The following UNC5D variants were observed in gnomAD, a reference collection of about 807,000 sequenced individuals.
UNC5D encodes the protein netrin receptor UNC5D.
UNC5D carries 39 observed loss-of-function variants against 105.4 expected under a neutral mutation model. The observed-to-expected ratio is 0.37, with a 90% confidence interval of 0.29 to 0.48. The LOEUF (loss-of-function observed/expected upper bound fraction) is 0.48, where lower values mean the gene tolerates loss of function less well. UNC5D is among the 20% of genes least tolerant of loss of function. The pLI is 0.98. For missense variants in UNC5D, 991 were observed against 1,202.4 expected, an observed-to-expected ratio of 0.82 and a Z score of 2.60; for synonymous variants, 452 against 450.4, an observed-to-expected ratio of 1.00 and a Z score of -0.04.
rs34886215 is a variant in UNC5D, at chr8:35,393,125, C to CTTT, written c.104-156142_104-156140dup. On this transcript the variant is annotated intron_variant, in intron 1 of 16. Transcript: ENST00000404895. The stretch of plus-strand genomic sequence containing the variant: ...CTAAATATCTAAATACCTATTCCTA[C>CTTT]TTTTTTTTTTTTTTTTTTTTTTTTT... Among the ~76,000 whole-genome samples the CTTT allele has an allele frequency of 4.4e-3, 331 of 75,098 alleles. 48 individuals carry two copies. Among genetic ancestry groups the CTTT allele is most frequent in the Non-Finnish European group, 5.8e-3 (227 of 38,966 alleles). 49.3% of individuals were successfully genotyped at this position (75,098 alleles called of 152,430 possible). A position where few individuals can be genotyped will look rare whatever the true frequency, so the allele number is the denominator to read the frequency against.
intron 7 of UNC5D, among the ~76,000 whole-genome samples, chr8:35,693,240 G>C (rs767292841): frequency 6.6e-6 from 1 of 152,026 alleles, no homozygotes; most frequent in Non-Finnish European, 1.5e-5. Flanking sequence ...TGTGCCTCTC[G>C]ATGGGCACTT....
chr8:35,578,102 G>C (rs977445223), intron 3 of UNC5D, among the ~76,000 whole-genome samples: 7 of 151,606 alleles, frequency 4.6e-5, no homozygotes, highest in African/African-American at 1.7e-4. Context: ...GTGCCTGCCT[G>C]TAATCCCAGC....
At chr8:35,463,283 G>C (rs545273046) in intron 1 of UNC5D, among the ~76,000 whole-genome samples, 1 of 152,252 alleles carries the variant, frequency 6.6e-6, no homozygotes, top group South Asian at 2.1e-4. Flanking sequence ...TTACGAGAGA[G>C]ATAAGACAAA....
intron 16 of UNC5D, among the ~76,000 whole-genome samples, chr8:35,775,375 G>T (rs746782176): frequency 6.6e-6 from 1 of 152,176 alleles, no homozygotes; most frequent in African/African-American, 2.4e-5. Flanking sequence ...GAGTAGAATA[G>T]AGAGATCCAT....
intron 1 of UNC5D, among the ~76,000 whole-genome samples, chr8:35,541,275 T>C (rs1406594093): frequency 6.6e-6 from 1 of 152,186 alleles, no homozygotes; most frequent in Non-Finnish European, 1.5e-5. Flanking sequence ...GTTTATCTTA[T>C]TGAACACGAT....
intron 6 of UNC5D, among the ~76,000 whole-genome samples, chr8:35,686,020 C>A (rs1825981910): frequency 6.6e-6 from 1 of 152,122 alleles, no homozygotes. Flanking sequence ...CCAAGAAATT[C>A]TATTTATATA....
chr8:35,317,080 T>C (rs1299908463), intron 1 of UNC5D, among the ~76,000 whole-genome samples: 1 of 152,162 alleles, frequency 6.6e-6, no homozygotes, highest in African/African-American at 2.4e-5. Context: ...TAGATAAAGA[T>C]ATTGAGGATC....
intron 1 of UNC5D, among the ~76,000 whole-genome samples, chr8:35,277,497 C>T (rs1468661488): frequency 3.3e-5 from 5 of 152,124 alleles, no homozygotes; most frequent in African/African-American, 1.2e-4. Context: ...CCTTCATTGT[C>T]ATTTAGCTTT....
At chr8:35,633,134 G>A (rs956358688) in intron 4 of UNC5D, among the ~76,000 whole-genome samples, 2 of 152,178 alleles carry the variant, frequency 1.3e-5, no homozygotes, top group African/African-American at 4.8e-5. Context: ...ATAGCCTGCA[G>A]CCTTGCCACC....
intron 2 of UNC5D, among the ~76,000 whole-genome samples, chr8:35,559,674 G>T (rs529652599): frequency 6.6e-6 from 1 of 152,172 alleles, no homozygotes; most frequent in South Asian, 2.1e-4. Flanking sequence ...CCTAGACTAT[G>T]ACCATCACCC....
intron 1 of UNC5D, among the ~76,000 whole-genome samples, chr8:35,240,167 C>T (rs1802717367): frequency 6.6e-6 from 1 of 152,092 alleles, no homozygotes; most frequent in Admixed American, 6.6e-5. Context: ...CCAGGTTGGT[C>T]TTGAACTCCT....
intron 4 of UNC5D, among the ~76,000 whole-genome samples, chr8:35,667,373 A>G (rs548827380): frequency 6.6e-6 from 1 of 152,274 alleles, no homozygotes; most frequent in Non-Finnish European, 1.5e-5. Flanking sequence ...TTTCCAAAAC[A>G]CTGTTAGCTA....
intron 4 of UNC5D, 60 bp downstream of exon 4, chr8:35,595,717 G>A (rs1317048955): frequency 1.1e-5 from 17 of 1,494,528 alleles, no homozygotes; most frequent in Non-Finnish European, 1.9e-6. Context: ...CAAGAGGGAG[G>A]GCGGAGTCCT....
intron 1 of UNC5D, among the ~76,000 whole-genome samples, chr8:35,502,583 G>A (rs1812039579): frequency 6.6e-6 from 1 of 152,204 alleles, no homozygotes; most frequent in East Asian, 1.9e-4. Flanking sequence ...TTTTGAGATG[G>A]AATCTTGCTC....
intron 11 of UNC5D, among the ~76,000 whole-genome samples, chr8:35,745,151 G>T (rs767933355): frequency 6.6e-6 from 1 of 152,148 alleles, no homozygotes; most frequent in Non-Finnish European, 1.5e-5. Context: ...GTACACTAGA[G>T]GGCATTAAGT....
At chr8:35,733,475 T>C (rs1455790285) in intron 11 of UNC5D, among the ~76,000 whole-genome samples, 1 of 152,176 alleles carries the variant, frequency 6.6e-6, no homozygotes, top group Non-Finnish European at 1.5e-5. Flanking sequence ...CCCGTTTTCC[T>C]CGAAGTTCAT....
intron 1 of UNC5D, among the ~76,000 whole-genome samples, chr8:35,325,108 C>T (rs1266960024): frequency 6.6e-6 from 1 of 151,942 alleles, no homozygotes; most frequent in African/African-American, 2.4e-5. Context: ...AATGGGAGAC[C>T]CTTGGAATCA....
intron 1 of UNC5D, among the ~76,000 whole-genome samples, chr8:35,305,032 T>C (rs1368254874): frequency 1.3e-5 from 2 of 152,096 alleles, no homozygotes; most frequent in African/African-American, 4.8e-5. Flanking sequence ...ATTGATGATT[T>C]TTTTCCATGA....
At chr8:35,322,457 G>A (rs1044351746) in intron 1 of UNC5D, among the ~76,000 whole-genome samples, 1 of 151,760 alleles carries the variant, frequency 6.6e-6, no homozygotes, top group Admixed American at 6.6e-5. Context: ...AGCTTCATTG[G>A]GATTAGCATG....
Sources: allele counts gnomAD v4.1 joint callset (sites outside exome capture counted in the v4.1 genomes callset), GRCh38; gene constraint gnomAD v4.1.1; transcripts MANE v1.5; gene names NCBI Gene and HGNC (gene_info 2026-07-23, HGNC 2026-07-21).